Variants in CYP27C1 observed in about 807,000 individuals in gnomAD.
CYP27C1 encodes the protein cytochrome P450 family 27 subfamily C member 1.
Under a neutral mutation model 40.6 loss-of-function variants are expected in CYP27C1, and 29 were observed. That is an observed-to-expected ratio of 0.71 (90% CI 0.53 to 0.97). CYP27C1 has a LOEUF of 0.97. CYP27C1 is among the 50% of genes least tolerant of loss of function. CYP27C1 has a pLI of 0.00. For synonymous variants in CYP27C1, 198 were observed against 186.8 expected (o/e 1.06, Z -0.49); for missense variants, 390 against 485.8 (o/e 0.80, Z 1.85).
At position 127,203,275 on chromosome 2, in the gene CYP27C1, C is replaced by T. The variant is rs1558930228; in HGVS notation, c.673+97G>A. On this transcript the variant is annotated intron_variant, in intron 3 of 8. Coordinates refer to ENST00000664447, the MANE Select transcript of CYP27C1 (RefSeq NM_001367502.1). ...ATGCATGTATGTCCCAGACTTAGCA[C>T]ACTGCCTGGGACCCAGGGAATGATC... 6 of 1,413,280 alleles carry T rather than the reference C, an allele frequency of 4.2e-6. No homozygotes were observed. The East Asian group carries it at 1.1e-4, about 27-fold the overall frequency. 87.5% of individuals were successfully genotyped at this position (1,413,280 alleles called of 1,614,324 possible).
In CYP27C1 at chr2:127,219,505, CACTCTCCGAAACTCCA is replaced by C. The variant is rs1683506000; in HGVS notation, c.282+468_282+483del. Among the ~76,000 whole-genome samples the C allele has an allele frequency of 6.6e-6, 1 of 151,950 alleles. No homozygotes were observed. Among genetic ancestry groups the C allele is most frequent in the Non-Finnish European group, 1.5e-5 (1 of 67,960 alleles). On this transcript the variant is annotated intron_variant, in intron 1 of 8. Transcript: ENST00000664447. The surrounding 1 kb of genome is among the most constrained non-coding windows in gnomAD (Gnocchi z 8.7). ...CTGCCCGCCGCCTCTCTCGGGCTAC[CACTCTCCGAAACTCCA>C]TCCCTGACTCCCCTCCCCGCTACCT... is the stretch of plus-strand genomic sequence containing the variant.
intron 1 of CYP27C1, among the ~76,000 whole-genome samples, chr2:127,216,623 T>C (rs1193494548): frequency 6.6e-6 from 1 of 152,216 alleles, no homozygotes; most frequent in African/African-American, 2.4e-5. Context: ...ACAAGTTGAC[T>C]GCGGTGATGG....
At chr2:127,212,406 C>A (rs955085922) in intron 1 of CYP27C1, among the ~76,000 whole-genome samples, 2 of 152,190 alleles carry the variant, frequency 1.3e-5, no homozygotes, top group African/African-American at 4.8e-5. Flanking sequence ...AACATTGATG[C>A]AAAAGTCCTT....
intron 1 of CYP27C1, among the ~76,000 whole-genome samples, chr2:127,211,587 G>T (rs536912863): frequency 6.6e-6 from 1 of 151,740 alleles, no homozygotes; most frequent in South Asian, 2.1e-4. Flanking sequence ...GGGTTTCACC[G>T]TATTAGCCAG....
intron 1 of CYP27C1, among the ~76,000 whole-genome samples, chr2:127,210,355 A>G (rs1044112450): frequency 6.6e-6 from 1 of 152,228 alleles, no homozygotes; most frequent in Non-Finnish European, 1.5e-5. Context: ...AGAGCTCCTA[A>G]AAGAAGCACC....
intron 2 of CYP27C1, among the ~76,000 whole-genome samples, chr2:127,205,339 C>T (rs1319396123): frequency 6.6e-6 from 1 of 152,172 alleles, no homozygotes; most frequent in South Asian, 2.1e-4. Context: ...AAGTCCCACC[C>T]CATGGGGATT....
rs918149602 is a variant in CYP27C1, at chr2:127,218,694, G to A, written c.282+1295C>T. Among the ~76,000 whole-genome samples, 5 of 152,214 alleles carry A rather than the reference G, an allele frequency of 3.3e-5. No homozygotes were observed. Among genetic ancestry groups the A allele is most frequent in the Non-Finnish European group, 7.3e-5 (5 of 68,036 alleles). On this transcript the variant is annotated intron_variant, in intron 1 of 8. Coordinates refer to ENST00000664447, the MANE Select transcript of CYP27C1 (RefSeq NM_001367502.1). This position sits in a 1 kb window ranked among gnomAD's most constrained non-coding sequence, Gnocchi z 6.0. ...GAAGCCCAGGTGGGTAGTTAGAAGA[G>A]GCTTCGATGGAGAAGGGTCTCGAAA...
rs999924656 is a variant in CYP27C1 at position 127,209,909 on chromosome 2, C to T, written c.283-3819G>A. Among the ~76,000 whole-genome samples, 6 of 152,064 alleles carry T rather than the reference C, an allele frequency of 3.9e-5. No homozygotes were observed. Among genetic ancestry groups the T allele is most frequent in the Non-Finnish European group, 5.9e-5 (4 of 68,020 alleles). ...AATCGACTGGAGCACCAGAAGGAGA[C>T]GGGGAGAATGGAAACAAGCTGGAAA... On this transcript the variant is annotated intron_variant, in intron 1 of 8. Coordinates refer to ENST00000664447, the MANE Select transcript of CYP27C1 (RefSeq NM_001367502.1). The surrounding 1 kb of genome is among the most constrained non-coding windows in gnomAD (Gnocchi z 4.1).
rs1683001321 is a variant in CYP27C1 at position 127,200,197 on chromosome 2, C to T, written c.884-658G>A. Among the ~76,000 whole-genome samples the T allele has an allele frequency of 6.6e-6, 1 of 152,224 alleles. No individual in the cohort carries two copies. Among genetic ancestry groups the T allele is most frequent in the African/African-American group, 2.4e-5 (1 of 41,458 alleles). On this transcript the variant is annotated intron_variant, in intron 4 of 8. Coordinates refer to ENST00000664447, the MANE Select transcript of CYP27C1 (RefSeq NM_001367502.1). The surrounding 1 kb of genome is among the most constrained non-coding windows in gnomAD (Gnocchi z 4.2). ...GTTTCGCCATGTTGGCCAGGCTGGT[C>T]TTTAACTACTGACCTCAGGTGATCC...
At position 127,199,436 on chromosome 2, in the gene CYP27C1, A is replaced by G; in HGVS notation, c.987T>C (p.Ala329=). The G allele has an allele frequency of 6.2e-7, 1 of 1,614,214 alleles. No homozygotes were observed. Among genetic ancestry groups the G allele is most frequent in the Non-Finnish European group, 8.5e-7 (1 of 1,180,038 alleles). The change falls in exon 5 of 9, where the codon GCT becomes GCC. Residue 329 remains alanine, a synonymous_variant. Coordinates refer to ENST00000664447, the MANE Select transcript of CYP27C1 (RefSeq NM_001367502.1). ...TGGCGTAGATCTCCTGCAGCGTCAG[A>G]GCCTGGCTAAGGAAGAGGTATGTGA... is the stretch of plus-strand genomic sequence containing the variant. ...GLLTYLFLSQ[A]LTLQEIYANV...
At chr2:127,190,872 G>C (rs1291605740) in intron 8 of CYP27C1, among the ~76,000 whole-genome samples, 1 of 141,390 alleles carries the variant, frequency 7.1e-6, no homozygotes, top group African/African-American at 2.6e-5. Flanking sequence ...GCTTGAACCC[G>C]GGAGACAGAG....
Position 127,201,021 on chromosome 2 carries a change from G to T in CYP27C1, c.883+101C>A. On this transcript the variant is annotated intron_variant, in intron 4 of 8. Transcript: ENST00000664447. This position sits in a 1 kb window ranked among gnomAD's most constrained non-coding sequence, Gnocchi z 6.0. The stretch of plus-strand genomic sequence containing the variant: ...AAAACTAACACGTGACTACATCTAG[G>T]CATCCTCTGCTATGGTCACCCATTG... The T allele has an allele frequency of 8.6e-7, 1 of 1,167,680 alleles. No homozygotes were observed. The highest frequency in any genetic ancestry group is 1.2e-6 in the Non-Finnish European group (1 of 810,156). 72.3% of individuals were successfully genotyped at this position (1,167,680 alleles called of 1,614,324 possible).
At chr2:127,210,930 C>A (rs113528216) in intron 1 of CYP27C1, among the ~76,000 whole-genome samples, 9,276 of 152,180 alleles carry the variant, frequency 0.061, 385 homozygotes, top group Non-Finnish European at 0.09. Flanking sequence ...GACTTTAACA[C>A]CCCACTGTCA....
intron 2 of CYP27C1, among the ~76,000 whole-genome samples, chr2:127,204,614 A>AAAGG (rs1683181462): frequency 1.6e-4 from 17 of 104,234 alleles, no homozygotes; most frequent in African/African-American, 6.4e-4. Context: ...AGAAAGAAAG[A>AAAGG]AAGAAAGAAA....
Position 127,195,843 on chromosome 2 carries a change from T to C in CYP27C1, c.1048-342A>G, listed in dbSNP as rs1021366128. 1.3e-5 allele frequency among the ~76,000 whole-genome samples: 2 copies of C among 152,128 alleles called. No homozygotes were observed. The highest frequency in any genetic ancestry group is 4.8e-5 in the African/African-American group (2 of 41,438). ...ATGCCGTGGAGCCTGGAGGATCTGC[T>C]GGGACTTTGTGTGACCTTCTTTGCA... is the stretch of plus-strand genomic sequence containing the variant. On this transcript the variant is annotated intron_variant, in intron 5 of 8. Coordinates refer to ENST00000664447, the MANE Select transcript of CYP27C1 (RefSeq NM_001367502.1). The surrounding 1 kb of genome is among the most constrained non-coding windows in gnomAD (Gnocchi z 6.2).
chr2:127,211,434 C>G (rs1417222371), intron 1 of CYP27C1, among the ~76,000 whole-genome samples: 3 of 129,860 alleles, frequency 2.3e-5, no homozygotes, highest in East Asian at 2.3e-4. Context: ...CCAGGCTGGA[C>G]TGCAGTGGCG....
At chr2:127,190,331 C>CTTTTTT (rs11400543) in intron 8 of CYP27C1, among the ~76,000 whole-genome samples, 9 of 120,180 alleles carry the variant, frequency 7.5e-5, no homozygotes, top group Admixed American at 3.9e-4. Context: ...TGTGGCTTCT[C>CTTTTTT]TTTTTTTTTT....
rs1253522525 is a variant in CYP27C1 at position 127,208,588 on chromosome 2, C to G, written c.283-2498G>C. On this transcript the variant is annotated intron_variant, in intron 1 of 8. Transcript: ENST00000664447. This position sits in a 1 kb window ranked among gnomAD's most constrained non-coding sequence, Gnocchi z 5.2. Reference sequence around the variant, plus strand: ...CAGCAGCCAGCACTGGGACTCACAACTGCCAACAGGCTAAGCTCCCTGGGT... The same window carrying G: ...CAGCAGCCAGCACTGGGACTCACAAGTGCCAACAGGCTAAGCTCCCTGGGT... Among the ~76,000 whole-genome samples the G allele has an allele frequency of 6.6e-6, 1 of 152,224 alleles. No homozygotes were observed. Among genetic ancestry groups the G allele is most frequent in the Non-Finnish European group, 1.5e-5 (1 of 68,030 alleles).
At chr2:127,214,904 A>G (rs1461984455) in intron 1 of CYP27C1, among the ~76,000 whole-genome samples, 1 of 149,136 alleles carries the variant, frequency 6.7e-6, no homozygotes, top group Non-Finnish European at 1.5e-5. Context: ...CGAGGTGGGC[A>G]GATCACGAGG....
Sources: gnomAD v4.1 joint callset for allele counts (sites outside exome capture counted in the v4.1 genomes callset) on GRCh38, gnomAD v4.1.1 for gene constraint, Gnocchi (gnomAD v3.1) non-coding constraint, MANE v1.5 for transcripts, NCBI Gene and HGNC (gene_info 2026-07-23, HGNC 2026-07-21) for gene names.